The following RBM17 variants were observed in gnomAD, a reference collection of about 807,000 sequenced individuals.
RBM17 encodes the protein RNA binding motif protein 17, also known as splicing factor 45.
A neutral mutation model predicts 53.2 loss-of-function variants in RBM17; 7 were observed. The ratio of observed to expected loss-of-function variants is 0.13; its 90% CI spans 0.07 to 0.25. RBM17 has a LOEUF of 0.25. Ranked by LOEUF, RBM17 falls within the 10% of genes least tolerant of loss-of-function variation. The pLI, the probability that RBM17 is intolerant of heterozygous loss-of-function variation, is 1.00. For missense variants in RBM17, 257 were observed against 496.7 expected, an observed-to-expected ratio of 0.52 and a Z score of 4.59; for synonymous variants, 167 against 178.1, an observed-to-expected ratio of 0.94 and a Z score of 0.50.
chr10:6,093,842 C>T (rs1246381359), intron 1 of RBM17, among the ~76,000 whole-genome samples: 5 of 152,084 alleles, frequency 3.3e-5, no homozygotes, highest in Non-Finnish European at 1.5e-5. Flanking sequence ...TTCATTTATG[C>T]TTCATATATA....
chr10:6,115,428 TA>T, intron 11 of RBM17, 24 bp from the exon 12 acceptor site: 1 of 1,566,496 alleles, frequency 6.4e-7, no homozygotes, highest in Non-Finnish European at 8.8e-7. Flanking sequence ...ATACCTGTAT[TA>T]ACTGTCTTTT....
intron 1 of RBM17, among the ~76,000 whole-genome samples, chr10:6,093,239 A>G (rs1840515699): frequency 6.6e-6 from 1 of 152,030 alleles, no homozygotes; most frequent in East Asian, 1.9e-4. Flanking sequence ...TTTTTGAGAC[A>G]GTCTCGCTCT....
chr10:6,095,439 C>G (rs1224447503), intron 1 of RBM17, among the ~76,000 whole-genome samples: 3 of 152,106 alleles, frequency 2.0e-5, no homozygotes, highest in African/African-American at 7.2e-5. Flanking sequence ...TCTCTTAACT[C>G]CTGACCTCAA....
chr10:6,110,202 C>G, intron 7 of RBM17, 75 bp downstream of exon 7: 11 of 1,381,558 alleles, frequency 8.0e-6, no homozygotes, highest in Non-Finnish European at 9.8e-6. Flanking sequence ...ATAGATGCAG[C>G]TTGTTTGAAA....
chr10:6,091,008 AATATTTAT>A (rs1356466535), intron 1 of RBM17, among the ~76,000 whole-genome samples: 6 of 72,484 alleles, frequency 8.3e-5, no homozygotes, highest in East Asian at 2.8e-4. Context: ...TAAATATATA[AATATTTAT>A]ATATTTATAT....
At chr10:6,105,165 C>A in intron 4 of RBM17, 68 bp downstream of exon 4, 1 of 1,436,818 alleles carries the variant, frequency 7.0e-7, no homozygotes, top group Non-Finnish European at 9.6e-7. Flanking sequence ...AACGAATGAG[C>A]GTCGCTGCTG....
chr10:6,100,334 C>T lies in RBM17; in HGVS notation c.124-937C>T, dbSNP rs188425681. 2.6e-4 allele frequency among the ~76,000 whole-genome samples: 40 copies of T among 152,286 alleles called. No individual in the cohort carries two copies. The East Asian group carries it at 6.2e-3, about 23-fold the overall frequency. ...GATCAACCTTAGCATTGCTGTTAGA[C>T]GGCCTGACGCAGTGTGCCTGCTGTG... On this transcript the variant is annotated intron_variant, in intron 2 of 11. Transcript: ENST00000379888.
rs78718801 is a variant in RBM17 at position 6,116,612 on chromosome 10, C to T, written c.*1056C>T. The T allele has an allele frequency of 3.3e-3, 509 of 152,400 alleles. 2 individuals carry two copies. The highest frequency in any genetic ancestry group is 5.0e-3 in the Non-Finnish European group (340 of 68,022). 9.4% of individuals were successfully genotyped at this position (152,400 alleles called of 1,614,324 possible). On this transcript the variant is annotated 3_prime_UTR_variant, in exon 12 of 12. Coordinates refer to ENST00000379888, the MANE Select transcript of RBM17 (RefSeq NM_032905.5). Reference sequence around the variant, plus strand: ...AAAATACTCATGCCTGTGTTCTGTTCCTTGCTTTCCCAAATACTGCATGTG... The same window carrying T: ...AAAATACTCATGCCTGTGTTCTGTTTCTTGCTTTCCCAAATACTGCATGTG...
chr10:6,102,381 G>A (rs1398942113), intron 3 of RBM17, among the ~76,000 whole-genome samples: 1 of 152,136 alleles, frequency 6.6e-6, no homozygotes, highest in Non-Finnish European at 1.5e-5. Flanking sequence ...TATGTTCTGG[G>A]CCAGTCTGTG....
chr10:6,111,421 C>T (rs1400878092), intron 7 of RBM17, among the ~76,000 whole-genome samples: 1 of 152,228 alleles, frequency 6.6e-6, no homozygotes, highest in Non-Finnish European at 1.5e-5. Context: ...CTCACTGCAA[C>T]CTCTGCCTCC....
chr10:6,115,184 C>T (rs12416306), intron 10 of RBM17, 55 bp from the exon 11 acceptor site: 14,700 of 1,371,524 alleles, frequency 0.011, 461 homozygotes, highest in African/African-American at 0.092. Context: ...AAAGAGAAAA[C>T]TCATTCAATG....
At chr10:6,092,382 TG>T (rs1250276977) in intron 1 of RBM17, among the ~76,000 whole-genome samples, 1 of 152,232 alleles carries the variant, frequency 6.6e-6, no homozygotes, top group Non-Finnish European at 1.5e-5. Context: ...AACAAACTAT[TG>T]TATATTAAAT....
intron 1 of RBM17, chr10:6,096,820 A>C (rs1840583805): frequency 3.7e-6 from 1 of 268,856 alleles, no homozygotes; most frequent in Admixed American, 4.9e-5. Flanking sequence ...ACTTGACTGC[A>C]TGATCTTATA....
At chr10:6,111,154 G>A (rs777426147) in intron 7 of RBM17, among the ~76,000 whole-genome samples, 3 of 152,162 alleles carry the variant, frequency 2.0e-5, no homozygotes, top group Admixed American at 1.3e-4. Flanking sequence ...AGTAATGTAG[G>A]TGCAGTTCCA....
Position 6,097,141 on chromosome 10 carries a change from C to T in RBM17, c.76C>T (p.Leu26=), listed in dbSNP as rs1840588953. Residue 26 remains leucine, a synonymous_variant, in exon 2 of 12, where the codon CTG becomes TTG. Transcript: ENST00000379888. The part of the protein sequence containing the change: ...TEGWSKNFKL[L]QSQLQVKKAA... ...AGGCTGGTCCAAAAACTTCAAACTT[C>T]TGCAGTCTCAGCTTCAGGTGAAGAA... The T allele has an allele frequency of 4.3e-6, 7 of 1,613,974 alleles. No individual in the cohort carries two copies. Among genetic ancestry groups the T allele is most frequent in the Non-Finnish European group, 4.2e-6 (5 of 1,179,992 alleles).
intron 8 of RBM17, chr10:6,113,218 A>G (rs929669511): frequency 3.6e-5 from 10 of 274,612 alleles, no homozygotes; most frequent in East Asian, 3.5e-4. Context: ...TATCACTCAC[A>G]TGCCCTGTCA....
chr10:6,097,271 G>T, intron 2 of RBM17, 83 bp downstream of exon 2: 1 of 1,411,608 alleles, frequency 7.1e-7, no homozygotes, highest in Non-Finnish European at 9.9e-7. Flanking sequence ...GTTTCAGCTT[G>T]CTCTTCTGCC....
intron 3 of RBM17, among the ~76,000 whole-genome samples, chr10:6,102,212 TTAA>T (rs1273761451): frequency 2.0e-5 from 3 of 152,178 alleles, no homozygotes; most frequent in African/African-American, 7.2e-5. Context: ...GACCAAAAGA[TTAA>T]TAATAGTGCT....
At position 6,112,754 on chromosome 10, in the gene RBM17, G is replaced by A. The variant is rs780936671; in HGVS notation, c.856+393G>A. 19 of 260,630 alleles carry A rather than the reference G, an allele frequency of 7.3e-5. No homozygotes were observed. The highest frequency in any genetic ancestry group is 1.4e-4 in the Non-Finnish European group (18 of 132,546). 16.1% of individuals were successfully genotyped at this position (260,630 alleles called of 1,614,324 possible). A position where few individuals can be genotyped will look rare whatever the true frequency, so the allele number is the denominator to read the frequency against. ...ACCTGCTATCTCCATCTCAGAGGTC[G>A]TCTCTACTTTTCCCTTTTGCCCTTT... On this transcript the variant is annotated intron_variant, in intron 8 of 11. Coordinates refer to ENST00000379888, the MANE Select transcript of RBM17 (RefSeq NM_032905.5). The surrounding 1 kb of genome is among the most constrained non-coding windows in gnomAD (Gnocchi z 4.4).
Sources: allele counts gnomAD v4.1 joint callset (sites outside exome capture counted in the v4.1 genomes callset), GRCh38; gene constraint gnomAD v4.1.1; non-coding constraint Gnocchi (gnomAD v3.1); transcripts MANE v1.5; gene names NCBI Gene and HGNC (gene_info 2026-07-23, HGNC 2026-07-21).